The following ABCG2 variants were observed in gnomAD, a reference collection of about 807,000 sequenced individuals.
ABCG2 encodes the protein broad substrate specificity ATP-binding cassette transporter ABCG2.
A neutral mutation model predicts 73.5 loss-of-function variants in ABCG2; 80 were observed. That is an observed-to-expected ratio of 1.09 (90% confidence interval 0.91 to 1.31). The LOEUF (loss-of-function observed/expected upper bound fraction) is 1.31. Ranked by LOEUF, ABCG2 falls within the 50% of genes most tolerant of loss-of-function variation. The pLI, the probability that ABCG2 is intolerant of heterozygous loss-of-function variation, is 0.00. For missense variants in ABCG2, 796 were observed against 786.2 expected (o/e 1.01, Z -0.15); for synonymous variants, 269 against 282.4 (o/e 0.95, Z 0.48).
Position 88,097,486 on chromosome 4 carries a change from T to A in ABCG2, c.1614A>T (p.Thr538=), listed in dbSNP as rs34156107. Residue 538 remains threonine (T), a synonymous_variant, in exon 13 of 16, where the codon ACA becomes ACT. Transcript: ENST00000237612. ...AAGQSVVSVA[T]LLMTICFVFM... ...ACACAAAACAGATGGTCATGAGAAGTGTTGCTACAGAAACCACACTCTGAC... is the reference window on the plus strand; with the variant it reads ...ACACAAAACAGATGGTCATGAGAAGAGTTGCTACAGAAACCACACTCTGAC... 3 of 1,614,124 alleles carry A rather than the reference T, an allele frequency of 1.9e-6. No individual in the cohort carries two copies. Among genetic ancestry groups the A allele is most frequent in the South Asian group, 1.1e-5 (1 of 91,078 alleles).
At chr4:88,104,203 T>C (rs1722623414) in intron 10 of ABCG2, among the ~76,000 whole-genome samples, 2 of 152,198 alleles carry the variant, frequency 1.3e-5, no homozygotes, top group East Asian at 1.9e-4. Flanking sequence ...GCTTATACTC[T>C]ACATATGATT....
intron 1 of ABCG2, among the ~76,000 whole-genome samples, chr4:88,174,578 G>C (rs1727880333): frequency 6.6e-6 from 1 of 152,162 alleles, no homozygotes; most frequent in East Asian, 1.9e-4. Context: ...AGTAGAGACA[G>C]ACAGGGTTTC....
intron 1 of ABCG2, among the ~76,000 whole-genome samples, chr4:88,196,153 G>A (rs1036360440): frequency 2.0e-5 from 3 of 152,146 alleles, no homozygotes; most frequent in African/African-American, 7.2e-5. Flanking sequence ...CTCCTGCCCC[G>A]CACATTTCTG....
intron 1 of ABCG2, among the ~76,000 whole-genome samples, chr4:88,211,255 G>T (rs764290424): frequency 1.3e-5 from 2 of 149,334 alleles, no homozygotes; most frequent in Non-Finnish European, 1.5e-5. Context: ...GCACGTGCTT[G>T]TTTGTTACAT....
At chr4:88,158,048 C>G (rs932791101) in intron 1 of ABCG2, among the ~76,000 whole-genome samples, 1 of 152,190 alleles carries the variant, frequency 6.6e-6, no homozygotes, top group African/African-American at 2.4e-5. Context: ...ACAAATGTTT[C>G]CTCCACCTAT....
chr4:88,129,506 A>C (rs900435039), intron 5 of ABCG2, among the ~76,000 whole-genome samples: 2 of 152,222 alleles, frequency 1.3e-5, no homozygotes, highest in African/African-American at 2.4e-5. Flanking sequence ...AAGGTAAAGA[A>C]TAGAGTGGAA....
intron 15 of ABCG2, among the ~76,000 whole-genome samples, chr4:88,092,920 G>T (rs1251476141): frequency 6.6e-6 from 1 of 152,146 alleles, no homozygotes; most frequent in Non-Finnish European, 1.5e-5. Context: ...CAGGAAAAGA[G>T]GTGTGCATGG....
chr4:88,152,006 C>T (rs551688759), intron 1 of ABCG2, among the ~76,000 whole-genome samples: 4 of 152,266 alleles, frequency 2.6e-5, no homozygotes, highest in African/African-American at 9.6e-5. Context: ...GCTAGTATGA[C>T]TAACATAAAT....
At chr4:88,092,462 G>T in intron 15 of ABCG2, 81 bp from the exon 16 acceptor site, 3 of 1,442,212 alleles carry the variant, frequency 2.1e-6, no homozygotes, top group Non-Finnish European at 2.8e-6. Flanking sequence ...GTTCCTTAAA[G>T]GAGCCTAAAA....
At chr4:88,133,999 GA>G (rs970068739) in intron 2 of ABCG2, among the ~76,000 whole-genome samples, 13 of 138,226 alleles carry the variant, frequency 9.4e-5, no homozygotes, top group African/African-American at 2.7e-4. Flanking sequence ...CTCCGTCTCA[GA>G]AAAAAAAAAA....
intron 4 of ABCG2, 74 bp downstream of exon 4, chr4:88,131,729 A>G: frequency 2.8e-6 from 3 of 1,063,864 alleles, no homozygotes; most frequent in South Asian, 1.4e-5. Flanking sequence ...CTGGAAGCAC[A>G]TTGAACTATC....
intron 1 of ABCG2, among the ~76,000 whole-genome samples, chr4:88,195,148 C>T (rs978164765): frequency 6.6e-6 from 1 of 152,172 alleles, no homozygotes; most frequent in Non-Finnish European, 1.5e-5. Flanking sequence ...GTGGGAGGAT[C>T]GCTTGAGGCC....
intron 5 of ABCG2, among the ~76,000 whole-genome samples, chr4:88,122,069 A>G (rs1205206181): frequency 6.6e-6 from 1 of 152,012 alleles, no homozygotes; most frequent in East Asian, 1.9e-4. Flanking sequence ...GGGTGGGGGA[A>G]GTCCCTCCCC....
chr4:88,108,350 C>T (rs572490243), intron 9 of ABCG2, among the ~76,000 whole-genome samples: 26 of 85,404 alleles, frequency 3.0e-4, no homozygotes, highest in Admixed American at 8.5e-4. Flanking sequence ...GGTGAGACTC[C>T]GTCTCTACTA....
At chr4:88,163,589 CA>C (rs767394561), upstream of ABCG2, 4 of 167,558 alleles carry the variant, frequency 2.4e-5, no homozygotes, top group Non-Finnish European at 5.2e-5. Flanking sequence ...ATGGCTCCTG[CA>C]AAGAAAAGCG....
intron 1 of ABCG2, among the ~76,000 whole-genome samples, chr4:88,202,607 C>T (rs1483477170): frequency 2.6e-5 from 4 of 151,724 alleles, no homozygotes; most frequent in Non-Finnish European, 5.9e-5. Context: ...GGAACAGGAG[C>T]GTCCAGGCTC....
intron 1 of ABCG2, among the ~76,000 whole-genome samples, chr4:88,190,866 T>C (rs1728659994): frequency 6.6e-6 from 1 of 151,988 alleles, no homozygotes; most frequent in Non-Finnish European, 1.5e-5. Flanking sequence ...ACGTTCAGGA[T>C]AGAGGACCAA....
At chr4:88,151,990 T>C (rs1199829382) in intron 1 of ABCG2, among the ~76,000 whole-genome samples, 2 of 152,198 alleles carry the variant, frequency 1.3e-5, no homozygotes, top group Non-Finnish European at 2.9e-5. Context: ...ACAGTACTTC[T>C]TCATTGCTAG....
chr4:88,230,526 A>G (rs1044527717), intron 1 of ABCG2, among the ~76,000 whole-genome samples: 6 of 151,848 alleles, frequency 4.0e-5, no homozygotes, highest in Non-Finnish European at 8.8e-5. Flanking sequence ...GAGAAGCCCA[A>G]CATCCTCTCT....
Sources: allele counts gnomAD v4.1 joint callset (sites outside exome capture counted in the v4.1 genomes callset), GRCh38; gene constraint gnomAD v4.1.1; transcripts MANE v1.5; gene names NCBI Gene and HGNC (gene_info 2026-07-23, HGNC 2026-07-21).